The following ERBB4 variants were observed in gnomAD, a reference collection of about 807,000 sequenced individuals.
ERBB4 encodes receptor tyrosine-protein kinase erbB-4.
ERBB4 carries 42 observed loss-of-function variants against 158.0 expected under a neutral mutation model. The ratio of observed to expected loss-of-function variants is 0.27; its 90% CI spans 0.21 to 0.34. The LOEUF (loss-of-function observed/expected upper bound fraction) is 0.34, where lower values mean the gene tolerates loss of function less well. ERBB4 is among the 10% of genes least tolerant of loss of function. The pLI is 1.00. For missense variants in ERBB4, 1,333 were observed against 1,624.1 expected, an observed-to-expected ratio of 0.82 and a Z score of 3.08; for synonymous variants, 583 against 558.7, an observed-to-expected ratio of 1.04 and a Z score of -0.61.
intron 3 of ERBB4, among the ~76,000 whole-genome samples, chr2:211,793,141 T>C (rs1312518457): frequency 6.6e-6 from 1 of 151,890 alleles, no homozygotes; most frequent in African/African-American, 2.4e-5. Flanking sequence ...GTGAATAAGA[T>C]TGAATATCTT....
rs1341784669 is a variant in ERBB4 at position 211,379,291 on chromosome 2, A to C, written c.*4324T>G. The C allele has an allele frequency of 2.2e-5, 5 of 228,758 alleles. No homozygotes were observed. Among genetic ancestry groups the C allele is most frequent in the Non-Finnish European group, 4.3e-5 (5 of 115,510 alleles). The allele number at this position is 228,758 out of a possible 1,614,324, so 14.2% of individuals were successfully genotyped here. On this transcript the variant is annotated 3_prime_UTR_variant, in exon 28 of 28. Transcript: ENST00000342788. ...ACATTTTCTTTACTTCATCTTGAAG[A>C]CCCTTACTTAGTCATATGTAACATG...
intron 4 of ERBB4, among the ~76,000 whole-genome samples, chr2:211,761,688 T>C (rs909780855): frequency 6.6e-6 from 1 of 152,214 alleles, no homozygotes. Context: ...ATTTTAGTAA[T>C]TGGCATTTAT....
intron 1 of ERBB4, among the ~76,000 whole-genome samples, chr2:212,285,212 A>G (rs2085916181): frequency 6.6e-6 from 1 of 152,146 alleles, no homozygotes; most frequent in African/African-American, 2.4e-5. Flanking sequence ...CACTATGGTC[A>G]CATAATCACG....
Position 212,222,692 on chromosome 2 carries a change from T to A in ERBB4, c.83-97789A>T, listed in dbSNP as rs534104868. Reference sequence around the variant, plus strand: ...AATGTCACTTTTAAGTCTTTCCTGATGGCCTTGAACTAATTTGAATTTTCC... The same window carrying A: ...AATGTCACTTTTAAGTCTTTCCTGAAGGCCTTGAACTAATTTGAATTTTCC... On this transcript the variant is annotated intron_variant, in intron 1 of 27. Transcript: ENST00000342788. 6.6e-5 allele frequency among the ~76,000 whole-genome samples: 10 copies of A among 151,596 alleles called. No individual in the cohort carries two copies. In the East Asian group the frequency reaches 1.9e-3, roughly 29 times the overall value.
intron 1 of ERBB4, among the ~76,000 whole-genome samples, chr2:212,172,366 A>G (rs1276005601): frequency 6.6e-6 from 1 of 152,182 alleles, no homozygotes; most frequent in Non-Finnish European, 1.5e-5. Flanking sequence ...TGATTCCTCA[A>G]AGACCTAGAG....
At chr2:212,036,456 G>A (rs1302439906) in intron 2 of ERBB4, among the ~76,000 whole-genome samples, 1 of 151,174 alleles carries the variant, frequency 6.6e-6, no homozygotes, top group Non-Finnish European at 1.5e-5. Flanking sequence ...TTCAAATCAT[G>A]GATAAATACA....
chr2:212,516,259 T>C (rs1691836447), intron 1 of ERBB4, among the ~76,000 whole-genome samples: 2 of 151,640 alleles, frequency 1.3e-5, no homozygotes, highest in Admixed American at 1.3e-4. Context: ...AATATTTTCT[T>C]CATTTTTGCT....
At chr2:211,875,700 A>G (rs2078480821) in intron 3 of ERBB4, among the ~76,000 whole-genome samples, 1 of 152,150 alleles carries the variant, frequency 6.6e-6, no homozygotes, top group African/African-American at 2.4e-5. Flanking sequence ...CTTCACATTG[A>G]CTCATCATTT....
intron 1 of ERBB4, among the ~76,000 whole-genome samples, chr2:212,360,526 C>CT (rs2089648121): frequency 6.6e-6 from 1 of 151,506 alleles, no homozygotes; most frequent in Admixed American, 6.6e-5. Flanking sequence ...CTTGTAGCAA[C>CT]TTTTTTATTA....
intron 3 of ERBB4, among the ~76,000 whole-genome samples, chr2:211,825,102 T>A (rs2077070966): frequency 6.6e-6 from 1 of 151,928 alleles, no homozygotes. Flanking sequence ...GATATAAATT[T>A]TTCCATAAGA....
intron 2 of ERBB4, among the ~76,000 whole-genome samples, chr2:212,104,902 C>T (rs1189642911): frequency 2.0e-5 from 3 of 152,130 alleles, no homozygotes; most frequent in Non-Finnish European, 4.4e-5. Flanking sequence ...CATTTGACCC[C>T]TTGTGGGTGT....
chr2:211,726,197 A>G (rs1470631628), intron 5 of ERBB4, among the ~76,000 whole-genome samples: 1 of 152,126 alleles, frequency 6.6e-6, no homozygotes, highest in Non-Finnish European at 1.5e-5. Flanking sequence ...TTCCTACCTT[A>G]TCAAGACTCT....
chr2:211,433,227 A>G (rs1180001268), intron 20 of ERBB4, among the ~76,000 whole-genome samples: 6 of 152,232 alleles, frequency 3.9e-5, no homozygotes, highest in Admixed American at 3.9e-4. Context: ...TGTCATGGTA[A>G]AGAACTTAGA....
chr2:211,933,042 A>T (rs904661290), intron 3 of ERBB4, among the ~76,000 whole-genome samples: 1 of 152,044 alleles, frequency 6.6e-6, no homozygotes, highest in Non-Finnish European at 1.5e-5. Context: ...GATAACCTAC[A>T]TTGTGACCCC....
chr2:211,468,408 G>T (rs554358181), intron 20 of ERBB4, among the ~76,000 whole-genome samples: 112 of 152,244 alleles, frequency 7.4e-4, no homozygotes, highest in African/African-American at 2.5e-3. Context: ...ACCCATCCAG[G>T]GGTTTTGACT....
chr2:211,642,822 T>C (rs1276777339), intron 16 of ERBB4, among the ~76,000 whole-genome samples: 2 of 151,192 alleles, frequency 1.3e-5, no homozygotes, highest in Non-Finnish European at 3.0e-5. Context: ...GAGCTCCCTA[T>C]ATGTTTTTAA....
chr2:212,035,477 C>T (rs1451393008), intron 2 of ERBB4, among the ~76,000 whole-genome samples: 1 of 152,214 alleles, frequency 6.6e-6, no homozygotes, highest in Non-Finnish European at 1.5e-5. Flanking sequence ...GCTCAGGTGT[C>T]ATCAACTCAG....
rs2063737109 is a variant in ERBB4, at chr2:211,430,971, T to C, written c.2617A>G (p.Lys873Glu). Residue 873 changes from lysine to glutamate, a missense_variant, in exon 21 of 28, where the codon AAA (lysine) becomes GAA (glutamate). Transcript: ENST00000342788. ...GLARLLEGDE[K>E]EYNADGGKMP... ...TTTCCTCCATCAGCATTGTACTCTT[T>C]TTCATCTCCTTCCAAGAGTCTGGCT... The C allele has an allele frequency of 1.2e-6, 2 of 1,613,882 alleles. No individual in the cohort carries two copies. Among genetic ancestry groups the C allele is most frequent in the Admixed American group, 1.7e-5 (1 of 60,016 alleles).
intron 9 of ERBB4, among the ~76,000 whole-genome samples, chr2:211,708,920 T>C (rs771769723): frequency 6.6e-6 from 1 of 152,072 alleles, no homozygotes; most frequent in Non-Finnish European, 1.5e-5. Context: ...CTGGATCAAA[T>C]TATCCAAGAA....
Sources: allele counts gnomAD v4.1 joint callset (sites outside exome capture counted in the v4.1 genomes callset), GRCh38; gene constraint gnomAD v4.1.1; transcripts MANE v1.5; gene names NCBI Gene and HGNC (gene_info 2026-07-23, HGNC 2026-07-21).